ZNRF3: variants seen among roughly 807,000 people sequenced by gnomAD.
The protein encoded by ZNRF3 is zinc and ring finger 3.
ZNRF3 carries 23 observed loss-of-function variants against 72.5 expected under a neutral mutation model. That is an observed-to-expected ratio of 0.32 (90% CI 0.23 to 0.45). The LOEUF is 0.45. Ranked by LOEUF, ZNRF3 falls within the 20% of genes least tolerant of loss-of-function variation. The probability of loss-of-function intolerance (pLI) is 1.00; values close to 1 mark genes in which losing one functional copy is unlikely to be tolerated. For missense variants in ZNRF3, 1,169 were observed against 1,272.1 expected (o/e 0.92, Z 1.23); for synonymous variants, 610 against 545.3 (o/e 1.12, Z -1.65).
chr22:29,032,094 C>T (rs985525672), intron 2 of ZNRF3, among the ~76,000 whole-genome samples: 1 of 152,154 alleles, frequency 6.6e-6, no homozygotes, highest in African/African-American at 2.4e-5. Flanking sequence ...GGGGTTGGGC[C>T]GCTGTATGGT....
chr22:28,885,944 A>G (rs1301068169), intron 1 of ZNRF3, among the ~76,000 whole-genome samples: 1 of 150,616 alleles, frequency 6.6e-6, no homozygotes, highest in Admixed American at 6.6e-5. Flanking sequence ...AAAAAAAAAA[A>G]GTCAATAGTT....
At chr22:28,915,292 C>T (rs1055771037) in intron 1 of ZNRF3, among the ~76,000 whole-genome samples, 1 of 152,178 alleles carries the variant, frequency 6.6e-6, no homozygotes, top group African/African-American at 2.4e-5. Context: ...CGTGGCCTTC[C>T]ATCTGTAACT....
intron 1 of ZNRF3, among the ~76,000 whole-genome samples, chr22:28,912,357 C>T (rs1310361357): frequency 1.3e-5 from 2 of 152,174 alleles, no homozygotes; most frequent in Non-Finnish European, 2.9e-5. Flanking sequence ...CTCATAGTAT[C>T]AGCTCCTTGT....
At chr22:28,902,137 A>T (rs915011066) in intron 1 of ZNRF3, among the ~76,000 whole-genome samples, 5 of 151,852 alleles carry the variant, frequency 3.3e-5, no homozygotes, top group African/African-American at 9.7e-5. Flanking sequence ...GGGTTTTACC[A>T]TGTTGGCCAG....
intron 1 of ZNRF3, among the ~76,000 whole-genome samples, chr22:28,944,324 T>C (rs1306062215): frequency 6.7e-6 from 1 of 150,342 alleles, no homozygotes; most frequent in African/African-American, 2.4e-5. Flanking sequence ...GATTTCATTA[T>C]ATAAACTTAC....
chr22:28,969,718 G>A (rs544997160), intron 1 of ZNRF3, among the ~76,000 whole-genome samples: 2 of 152,294 alleles, frequency 1.3e-5, no homozygotes, highest in East Asian at 3.9e-4. Context: ...AACATGGCAT[G>A]ACTTATATTT....
rs535336653 is a variant in ZNRF3 at position 29,049,788 on chromosome 22, G to A, written c.1607G>A (p.Arg536His). The A allele has an allele frequency of 1.2e-4, 194 of 1,604,004 alleles. 2 individuals are homozygous for A. In the South Asian group the frequency reaches 1.7e-3, roughly 14 times the overall value. Residue 536 changes from arginine (R) to histidine (H), a missense_variant, in exon 8 of 9, where the codon CGC becomes CAC. Physicochemically the swap from Arg to His is conservative, Grantham distance 29 (BLOSUM62 0). Coordinates refer to ENST00000544604, the MANE Select transcript of ZNRF3 (RefSeq NM_001206998.2). This position sits in a 1 kb window ranked among gnomAD's most constrained non-coding sequence, Gnocchi z 5.2. ...TSSFSCYHGH[R>H]SVCSGYLADC... ...AGCTTCAGCTGCTATCACGGCCACC[G>A]CTCGGTGTGCAGTGGCTACCTGGCC...
At position 29,046,790 on chromosome 22, in the gene ZNRF3, G is replaced by A. The variant is rs2037079797; in HGVS notation, c.819G>A (p.Gly273=). The change falls in exon 6 of 9, where the codon GGG becomes GGA. Residue 273 remains glycine, a synonymous_variant. Coordinates refer to ENST00000544604, the MANE Select transcript of ZNRF3 (RefSeq NM_001206998.2). Reference sequence around the variant, plus strand: ...GAAAGTTCAACTCCAAGAGCAAGGGGCGCCGGGAGGGGAGCTGTGGGGCCC... The same window carrying A: ...GAAAGTTCAACTCCAAGAGCAAGGGACGCCGGGAGGGGAGCTGTGGGGCCC... The part of the protein sequence containing the change: ...ETRKFNSKSK[G]RREGSCGALD... 6.2e-7 allele frequency: 1 copy of A among 1,612,232 alleles called. No homozygotes were observed. Among genetic ancestry groups the A allele is most frequent in the Non-Finnish European group, 8.5e-7 (1 of 1,179,076 alleles).
chr22:28,973,951 CTCTT>C (rs2035622046), intron 1 of ZNRF3, among the ~76,000 whole-genome samples: 1 of 138,422 alleles, frequency 7.2e-6, no homozygotes, highest in Non-Finnish European at 1.6e-5. Context: ...CTCTCTCTCT[CTCTT>C]TTTTTTTTTT....
intron 2 of ZNRF3, among the ~76,000 whole-genome samples, chr22:29,009,607 T>C (rs1254324218): frequency 6.6e-6 from 1 of 152,158 alleles, no homozygotes; most frequent in Admixed American, 6.5e-5. Flanking sequence ...AATAAAACTT[T>C]GTAATGTATT....
intron 2 of ZNRF3, among the ~76,000 whole-genome samples, chr22:29,008,760 T>G (rs2036300769): frequency 6.6e-6 from 1 of 152,220 alleles, no homozygotes; most frequent in South Asian, 2.1e-4. Context: ...TTAACCAGCT[T>G]TAACCAGAAG....
chr22:28,962,714 C>T (rs2035386802), intron 1 of ZNRF3, among the ~76,000 whole-genome samples: 1 of 152,084 alleles, frequency 6.6e-6, no homozygotes, highest in South Asian at 2.1e-4. Context: ...CAGCTGCAGC[C>T]CAAAAAGCTC....
intron 1 of ZNRF3, among the ~76,000 whole-genome samples, chr22:28,939,012 C>T (rs954138979): frequency 5.9e-5 from 9 of 152,156 alleles, no homozygotes; most frequent in Non-Finnish European, 1.2e-4. Context: ...AGGCCAGGCA[C>T]GGTGGCTCAT....
chr22:29,020,761 T>TGTGTGTGTG (rs1569284112), intron 2 of ZNRF3, among the ~76,000 whole-genome samples: 46 of 42,976 alleles, frequency 1.1e-3, no homozygotes, highest in African/African-American at 3.2e-3. Flanking sequence ...GGGGCTTTGT[T>TGTGTGTGTG]TTTGTGTGTG....
At chr22:28,915,338 C>G (rs1239478749) in intron 1 of ZNRF3, among the ~76,000 whole-genome samples, 1 of 152,124 alleles carries the variant, frequency 6.6e-6, no homozygotes, top group East Asian at 1.9e-4. Context: ...ATAAGGACAC[C>G]ACTCATATTG....
chr22:28,972,291 C>G (rs1351370396), intron 1 of ZNRF3, among the ~76,000 whole-genome samples: 1 of 152,140 alleles, frequency 6.6e-6, no homozygotes, highest in African/African-American at 2.4e-5. Context: ...ATTCTTCTAC[C>G]TCCCCAGTGC....
At chr22:28,942,531 C>T (rs566063012) in intron 1 of ZNRF3, among the ~76,000 whole-genome samples, 37 of 152,304 alleles carry the variant, frequency 2.4e-4, no homozygotes, top group Admixed American at 2.4e-3. Context: ...TCCAGATTAG[C>T]TGAGTGACCT....
In ZNRF3 at chr22:28,960,956, T is replaced by C. The variant is rs148367457; in HGVS notation, c.301-26120T>C. Among the ~76,000 whole-genome samples, 304 of 152,296 alleles carry C rather than the reference T, an allele frequency of 2.0e-3. 2 individuals are homozygous for C. Among genetic ancestry groups the C allele is most frequent in the Middle Eastern group, 6.8e-3 (2 of 294 alleles). On this transcript the variant is annotated intron_variant, in intron 1 of 8. Transcript: ENST00000544604. ...ATCATCTCAATTTATCATGTTGCTGTTTATCTTTTTAACATAAAGTTTTAT... is the reference window on the plus strand; with the variant it reads ...ATCATCTCAATTTATCATGTTGCTGCTTATCTTTTTAACATAAAGTTTTAT...
In ZNRF3 at chr22:29,049,991, C is replaced by T; in HGVS notation, c.1810C>T (p.Pro604Ser). The stretch of plus-strand genomic sequence containing the variant: ...CCCCTTCATCTACCGCAGCCGGAGC[C>T]CCTGTCGTGCCAGTGAGGCGGGGGG... ...YDPFIYRSRS[P>S]CRASEAGGSG... The change falls in exon 8 of 9, where the codon CCC becomes TCC. Residue 604 changes from proline (P) to serine (S), a missense_variant. By Grantham distance (74) the Pro-to-Ser change is moderately conservative. This residue lies in a region of ZNRF3 where 783 missense variants were observed against 731.4 expected (regional missense o/e 1.07). Transcript: ENST00000544604. The surrounding 1 kb of genome is among the most constrained non-coding windows in gnomAD (Gnocchi z 5.2). 6.2e-7 allele frequency: 1 copy of T among 1,612,130 alleles called. No homozygotes were observed. The highest frequency in any genetic ancestry group is 8.5e-7 in the Non-Finnish European group (1 of 1,179,652).
Sources: allele counts gnomAD v4.1 joint callset (sites outside exome capture counted in the v4.1 genomes callset), GRCh38; gene constraint gnomAD v4.1.1; regional missense constraint gnomAD v4.1.1; non-coding constraint Gnocchi (gnomAD v3.1); transcripts MANE v1.5; gene names NCBI Gene and HGNC (gene_info 2026-07-23, HGNC 2026-07-21).